Variants in CDC42BPB observed in about 807,000 individuals in gnomAD.
The protein encoded by CDC42BPB is CDC42 binding protein kinase beta, also known as serine/threonine-protein kinase MRCK beta.
A neutral mutation model predicts 214.9 loss-of-function variants in CDC42BPB; 37 were observed. The ratio of observed to expected loss-of-function variants is 0.17; its 90% CI spans 0.13 to 0.23. CDC42BPB has a LOEUF of 0.23. Ranked by LOEUF, CDC42BPB falls within the 10% of genes least tolerant of loss-of-function variation. The pLI, the probability that CDC42BPB is intolerant of heterozygous loss-of-function variation, is 1.00. For synonymous variants in CDC42BPB, 931 were observed against 884.0 expected (o/e 1.05, Z -0.94); for missense variants, 1,694 against 2,227.0 (o/e 0.76, Z 4.82).
At chr14:102,969,235 G>A (rs2139462495) in intron 14 of CDC42BPB, among the ~76,000 whole-genome samples, 1 of 152,362 alleles carries the variant, frequency 6.6e-6, no homozygotes, top group Admixed American at 6.5e-5. Context: ...GGAGTGAGGT[G>A]GGACGTGTTG....
intron 12 of CDC42BPB, among the ~76,000 whole-genome samples, chr14:102,973,351 G>A (rs1366768709): frequency 6.6e-6 from 1 of 152,212 alleles, no homozygotes; most frequent in African/African-American, 2.4e-5. Context: ...AGAATAACAT[G>A]TATCAATGAA....
In CDC42BPB at chr14:102,944,937, T is replaced by C. The variant is rs1452948802; in HGVS notation, c.3812-450A>G. On this transcript the variant is annotated intron_variant, in intron 29 of 36. Transcript: ENST00000361246. This position sits in a 1 kb window ranked among gnomAD's most constrained non-coding sequence, Gnocchi z 6.6. The stretch of plus-strand genomic sequence containing the variant: ...CCCACTGGGACCCTGAGACAAATCC[T>C]CTGAAGACGCTGCCCTCACAGGGCC... Among the ~76,000 whole-genome samples the C allele has an allele frequency of 6.6e-6, 1 of 152,088 alleles. No individual in the cohort carries two copies. The highest frequency in any genetic ancestry group is 1.5e-5 in the Non-Finnish European group (1 of 67,986).
chr14:103,001,677 T>G lies in CDC42BPB; in HGVS notation c.448-1964A>C, dbSNP rs989624155. ...TGCAGAGGGGGCGGTGGATGCACAC[T>G]GCAGGCATTCCAGAGGGAGCGGCCC... is the stretch of plus-strand genomic sequence containing the variant. On this transcript the variant is annotated intron_variant, in intron 4 of 36. Transcript: ENST00000361246. The surrounding 1 kb of genome is among the most constrained non-coding windows in gnomAD (Gnocchi z 5.8). Among the ~76,000 whole-genome samples, 4 of 152,090 alleles carry G rather than the reference T, an allele frequency of 2.6e-5. No homozygotes were observed. Among genetic ancestry groups the G allele is most frequent in the African/African-American group, 9.7e-5 (4 of 41,398 alleles).
intron 5 of CDC42BPB, among the ~76,000 whole-genome samples, chr14:102,993,828 C>T (rs1894605333): frequency 6.6e-6 from 1 of 152,106 alleles, no homozygotes; most frequent in African/African-American, 2.4e-5. Context: ...TACCTGGCTG[C>T]CGGGAAGAAA....
chr14:103,050,903 G>A (rs1005238165), intron 1 of CDC42BPB, among the ~76,000 whole-genome samples: 2 of 152,078 alleles, frequency 1.3e-5, no homozygotes, highest in Admixed American at 1.3e-4. Context: ...TCCAAGGACC[G>A]AATTTGAATG....
intron 1 of CDC42BPB, among the ~76,000 whole-genome samples, chr14:103,025,287 CT>C (rs1278385175): frequency 6.6e-6 from 1 of 152,036 alleles, no homozygotes; most frequent in Non-Finnish European, 1.5e-5. Context: ...ACCAATTGCA[CT>C]TGGATCGCTT....
At chr14:102,942,917 A>T (rs1370821050) in intron 30 of CDC42BPB, among the ~76,000 whole-genome samples, 1 of 152,056 alleles carries the variant, frequency 6.6e-6, no homozygotes, top group African/African-American at 2.4e-5. Flanking sequence ...TGTCCAGGCT[A>T]GAGTGCAGTG....
At chr14:102,959,482 C>A (rs892485404) in intron 21 of CDC42BPB, 149 bp downstream of exon 21, 7 of 603,748 alleles carry the variant, frequency 1.2e-5, no homozygotes, top group Admixed American at 3.2e-5. Flanking sequence ...ACATGTGGGT[C>A]AATTACACAG....
At position 102,939,946 on chromosome 14, in the gene CDC42BPB, T is replaced by C. The variant is rs768519250; in HGVS notation, c.4593A>G (p.Gly1531=). The C allele has an allele frequency of 4.3e-6, 7 of 1,613,806 alleles. No homozygotes were observed. In the Admixed American group the frequency reaches 5.0e-5, roughly 12 times the overall value. ...RLIYFKSKFS[G]AVLNVPDTSD... is the part of the protein sequence containing the mutation. ...AGGTGTCCGGCACGTTGAGAACCGCTCCTGCAGAAGCAGAGCGCGCGGTGA... is the reference window on the plus strand; with the variant it reads ...AGGTGTCCGGCACGTTGAGAACCGCCCCTGCAGAAGCAGAGCGCGCGGTGA... The change falls in exon 33 of 37, where the codon GGA becomes GGG. Residue 1531 remains glycine, a splice_region_variant and synonymous_variant. Coordinates refer to ENST00000361246, the MANE Select transcript of CDC42BPB (RefSeq NM_006035.4).
intron 1 of CDC42BPB, among the ~76,000 whole-genome samples, chr14:103,029,067 A>G (rs1266782305): frequency 2.0e-5 from 3 of 152,230 alleles, no homozygotes; most frequent in Non-Finnish European, 4.4e-5. Flanking sequence ...ATGGTGTTAA[A>G]AAAGAAAAAA....
chr14:103,025,308 T>C lies in CDC42BPB; in HGVS notation c.176-13120A>G, dbSNP rs540815432. ...TGCACTTGGATCGCTTAGGCTAACATATGTGTACCCTACGGCACAGAAATT... is the reference window on the plus strand; with the variant it reads ...TGCACTTGGATCGCTTAGGCTAACACATGTGTACCCTACGGCACAGAAATT... On this transcript the variant is annotated intron_variant, in intron 1 of 36. Coordinates refer to ENST00000361246, the MANE Select transcript of CDC42BPB (RefSeq NM_006035.4). 4.2e-3 allele frequency among the ~76,000 whole-genome samples: 641 copies of C among 152,128 alleles called. 6 individuals carry two copies. Among genetic ancestry groups the C allele is most frequent in the African/African-American group, 0.015 (620 of 41,496 alleles).
intron 3 of CDC42BPB, among the ~76,000 whole-genome samples, chr14:103,005,192 C>T (rs1173673784): frequency 6.6e-6 from 1 of 151,344 alleles, no homozygotes; most frequent in African/African-American, 2.4e-5. Context: ...AGTCAACAGG[C>T]CTTTGGCATA....
intron 10 of CDC42BPB, 38 bp downstream of exon 10, chr14:102,975,845 G>GC (rs775802790): frequency 1.4e-5 from 22 of 1,613,734 alleles, no homozygotes; most frequent in Admixed American, 3.3e-5. Flanking sequence ...CCTGGCCGCA[G>GC]CGCCCCCGCC....
Position 102,945,735 on chromosome 14 carries a change from G to A in CDC42BPB, c.3749-11C>T, listed in dbSNP as rs368952815. 31 of 1,612,114 alleles carry A rather than the reference G, an allele frequency of 1.9e-5. No individual in the cohort carries two copies. The highest frequency in any genetic ancestry group is 8.9e-5 in the East Asian group (4 of 44,884). On this transcript the variant is annotated splice_polypyrimidine_tract_variant and intron_variant, in intron 28 of 36. Coordinates refer to ENST00000361246, the MANE Select transcript of CDC42BPB (RefSeq NM_006035.4). ...CAATCCTGTCTGCATCTGTGGAGGGGTAAGTAACATACACAAAGTCAGTAC... is the reference window on the plus strand; with the variant it reads ...CAATCCTGTCTGCATCTGTGGAGGGATAAGTAACATACACAAAGTCAGTAC...
Position 102,964,668 on chromosome 14 carries a change from G to A in CDC42BPB, c.2578-18C>T. 6.3e-7 allele frequency: 1 copy of A among 1,582,674 alleles called. No individual in the cohort carries two copies. The highest frequency in any genetic ancestry group is 1.7e-4 in the Middle Eastern group (1 of 5,980). On this transcript the variant is annotated intron_variant, in intron 18 of 36. Coordinates refer to ENST00000361246, the MANE Select transcript of CDC42BPB (RefSeq NM_006035.4). ...AGCGGGTCCTTGAGACACGGTCATG[G>A]CGTTAAAAATGCATTTTCAGTTATC...
intron 20 of CDC42BPB, among the ~76,000 whole-genome samples, chr14:102,962,323 C>T (rs1409690738): frequency 6.6e-6 from 1 of 152,218 alleles, no homozygotes; most frequent in East Asian, 1.9e-4. Flanking sequence ...CCGAAATACA[C>T]CGACAAAAAC....
chr14:102,987,390 T>C (rs76787541), intron 5 of CDC42BPB, among the ~76,000 whole-genome samples: 83 of 152,312 alleles, frequency 5.4e-4, no homozygotes, highest in South Asian at 2.1e-3. Context: ...ACAGTATGAA[T>C]GCAAACAAAC....
intron 13 of CDC42BPB, among the ~76,000 whole-genome samples, chr14:102,970,883 C>T (rs1473563466): frequency 6.6e-6 from 1 of 152,192 alleles, no homozygotes; most frequent in Non-Finnish European, 1.5e-5. Context: ...ACAAAGAGCC[C>T]TGAACTTGAA....
At chr14:103,026,099 C>T (rs10130314) in intron 1 of CDC42BPB, among the ~76,000 whole-genome samples, 10,932 of 152,124 alleles carry the variant, frequency 0.072, 891 homozygotes, top group African/African-American at 0.2. Flanking sequence ...ACTCAAACTA[C>T]GAAACACTTA....
Sources: allele counts gnomAD v4.1 joint callset (sites outside exome capture counted in the v4.1 genomes callset), GRCh38; gene constraint gnomAD v4.1.1; non-coding constraint Gnocchi (gnomAD v3.1); transcripts MANE v1.5; gene names NCBI Gene and HGNC (gene_info 2026-07-23, HGNC 2026-07-21).